The following NOS1AP variants were observed in gnomAD, a reference collection of about 807,000 sequenced individuals.
NOS1AP encodes the protein carboxyl-terminal PDZ ligand of neuronal nitric oxide synthase protein.
A neutral mutation model predicts 56.2 loss-of-function variants in NOS1AP; 21 were observed. The ratio of observed to expected loss-of-function variants is 0.37; its 90% CI spans 0.26 to 0.54. NOS1AP has a LOEUF of 0.54. NOS1AP is among the 20% of genes least tolerant of loss of function. NOS1AP has a pLI of 0.84. For missense variants in NOS1AP, 522 were observed against 657.8 expected (o/e 0.79, Z 2.26); for synonymous variants, 270 against 274.6 (o/e 0.98, Z 0.17).
chr1:162,190,450 C>A (rs1215318986), intron 2 of NOS1AP, among the ~76,000 whole-genome samples: 2 of 152,088 alleles, frequency 1.3e-5, no homozygotes, highest in Non-Finnish European at 2.9e-5. Flanking sequence ...ATGTTCTGAA[C>A]ACATTTTTTT....
intron 3 of NOS1AP, among the ~76,000 whole-genome samples, chr1:162,299,106 GTTTACAATATGCATGCAGATA>G (rs1319741587): frequency 2.6e-5 from 4 of 152,186 alleles, no homozygotes; most frequent in African/African-American, 9.6e-5. Flanking sequence ...GATATTGGAT[GTTTACAATATGCATGCAGATA>G]TTTGGACTTT....
intron 5 of NOS1AP, among the ~76,000 whole-genome samples, chr1:162,336,030 T>G (rs927632895): frequency 6.6e-5 from 10 of 152,252 alleles, no homozygotes; most frequent in Middle Eastern, 6.8e-3. Context: ...TTTTTTCAAG[T>G]GGGCTTTCAC....
At chr1:162,336,597 A>G (rs557337457) in intron 5 of NOS1AP, among the ~76,000 whole-genome samples, 7 of 152,346 alleles carry the variant, frequency 4.6e-5, no homozygotes, top group Admixed American at 2.0e-4. Flanking sequence ...TAGTTGAAGA[A>G]GAAAAGGCCC....
At chr1:162,114,359 A>G (rs1647846406) in intron 1 of NOS1AP, among the ~76,000 whole-genome samples, 1 of 152,180 alleles carries the variant, frequency 6.6e-6, no homozygotes, top group Non-Finnish European at 1.5e-5. Flanking sequence ...TCAGGCACAA[A>G]CTGAAGCTGC....
chr1:162,147,431 G>A (rs982630823), intron 1 of NOS1AP, among the ~76,000 whole-genome samples: 2 of 152,120 alleles, frequency 1.3e-5, no homozygotes, highest in Non-Finnish European at 2.9e-5. Context: ...AGAAGAAGGT[G>A]ATGGTGATGG....
chr1:162,163,908 G>A (rs1361034), intron 2 of NOS1AP, among the ~76,000 whole-genome samples: 150,063 of 152,314 alleles, frequency 0.99, 73,958 homozygotes, highest in East Asian at 1. Flanking sequence ...AGTAGGAGGA[G>A]TTTGGTTCTG....
At chr1:162,175,091 C>T (rs1486061521) in intron 2 of NOS1AP, among the ~76,000 whole-genome samples, 3 of 151,978 alleles carry the variant, frequency 2.0e-5, no homozygotes, top group East Asian at 3.9e-4. Context: ...TAACCTTGAT[C>T]ACCTGGCTTG....
intron 2 of NOS1AP, among the ~76,000 whole-genome samples, chr1:162,160,688 T>C (rs1650166261): frequency 6.6e-6 from 1 of 152,198 alleles, no homozygotes; most frequent in Admixed American, 6.5e-5. Flanking sequence ...CATTTACTCC[T>C]TTGTCATTGT....
chr1:162,194,423 G>T (rs1026172571), intron 2 of NOS1AP, among the ~76,000 whole-genome samples: 1 of 152,100 alleles, frequency 6.6e-6, no homozygotes. Context: ...AGTCCTCCCC[G>T]TATTTAAGTA....
chr1:162,097,241 T>A (rs1692265506), intron 1 of NOS1AP, among the ~76,000 whole-genome samples: 2 of 152,204 alleles, frequency 1.3e-5, no homozygotes, highest in Non-Finnish European at 1.5e-5. Context: ...TCTTGCCCAT[T>A]TTTAAGCTGA....
intron 2 of NOS1AP, among the ~76,000 whole-genome samples, chr1:162,263,331 T>C (rs1654300535): frequency 6.6e-6 from 1 of 152,178 alleles, no homozygotes; most frequent in Non-Finnish European, 1.5e-5. Context: ...TGTCCATACA[T>C]GGAGGAAGAT....
At chr1:162,150,549 A>G (rs922935466) in intron 1 of NOS1AP, among the ~76,000 whole-genome samples, 3 of 152,188 alleles carry the variant, frequency 2.0e-5, no homozygotes, top group South Asian at 2.1e-4. Context: ...ACTGTTCTCC[A>G]TAGTGGTTGT....
intron 4 of NOS1AP, among the ~76,000 whole-genome samples, chr1:162,315,458 A>C (rs1393749869): frequency 6.6e-6 from 1 of 152,184 alleles, no homozygotes; most frequent in Non-Finnish European, 1.5e-5. Context: ...ATTGGGAGGA[A>C]GGATGGTGGC....
chr1:162,364,581 C>T (rs1442113060), intron 8 of NOS1AP: 3 of 985,372 alleles, frequency 3.0e-6, no homozygotes, highest in East Asian at 1.1e-4. Flanking sequence ...TTGCTGCCAA[C>T]TGCTCTGCCT....
At chr1:162,277,906 T>C (rs189914597) in intron 2 of NOS1AP, among the ~76,000 whole-genome samples, 8 of 152,300 alleles carry the variant, frequency 5.3e-5, no homozygotes, top group Non-Finnish European at 1.2e-4. Context: ...CTCTAGTCTT[T>C]CCTAGATTTC....
chr1:162,119,832 C>T (rs1397062253), intron 1 of NOS1AP, among the ~76,000 whole-genome samples: 1 of 152,074 alleles, frequency 6.6e-6, no homozygotes, highest in Non-Finnish European at 1.5e-5. Context: ...CTTGGAATTG[C>T]GTAGAATCGT....
In NOS1AP at chr1:162,207,374, T is replaced by C. The variant is rs536499832; in HGVS notation, c.177+52898T>C. 1.7e-3 allele frequency among the ~76,000 whole-genome samples: 258 copies of C among 152,286 alleles called. 9 individuals are homozygous for C. The South Asian group carries it at 0.049, about 29-fold the overall frequency. On this transcript the variant is annotated intron_variant, in intron 2 of 9. Transcript: ENST00000361897. ...ATAGCCACTGTGTGTGTAAGAGCCC[T>C]GAGGGGTGGGGCAAGCTGGAACCCA...
At chr1:162,081,774 A>ATATATATATATTTTTTTTTT in intron 1 of NOS1AP, among the ~76,000 whole-genome samples, 47 of 44,034 alleles carry the variant, frequency 1.1e-3, no homozygotes, top group African/African-American at 3.2e-3. Flanking sequence ...ATATATATAT[A>ATATATATATATTTTTTTTTT]TTTTTTTTTT....
intron 1 of NOS1AP, among the ~76,000 whole-genome samples, chr1:162,094,161 A>G (rs1692188948): frequency 6.6e-6 from 1 of 152,130 alleles, no homozygotes; most frequent in African/African-American, 2.4e-5. Flanking sequence ...GGTAGGAGTG[A>G]GTAGTTACCC....
Sources: gnomAD v4.1 joint callset for allele counts (sites outside exome capture counted in the v4.1 genomes callset) on GRCh38, gnomAD v4.1.1 for gene constraint, MANE v1.5 for transcripts, NCBI Gene and HGNC (gene_info 2026-07-23, HGNC 2026-07-21) for gene names.